The following CFAP61 variants were observed in gnomAD, a reference collection of about 807,000 sequenced individuals.
CFAP61 encodes cilia and flagella associated protein 61.
CFAP61 carries 107 observed loss-of-function variants against 135.6 expected under a neutral mutation model. The ratio of observed to expected loss-of-function variants is 0.79; its 90% CI spans 0.67 to 0.93. The LOEUF (loss-of-function observed/expected upper bound fraction) is 0.93. Ranked by LOEUF, CFAP61 falls within the 40% of genes least tolerant of loss-of-function variation. The pLI is 0.00. For synonymous variants in CFAP61, 575 were observed against 578.5 expected, an observed-to-expected ratio of 0.99 and a Z score of 0.09; for missense variants, 1,507 against 1,556.2, an observed-to-expected ratio of 0.97 and a Z score of 0.53.
chr20:20,138,333 A>G (rs982842179), intron 8 of CFAP61, among the ~76,000 whole-genome samples: 1 of 152,162 alleles, frequency 6.6e-6, no homozygotes, highest in African/African-American at 2.4e-5. Flanking sequence ...CAGCCTTTCA[A>G]GTTTATTTAG....
intron 26 of CFAP61, among the ~76,000 whole-genome samples, chr20:20,348,689 C>CAAAAAA (rs71198052): frequency 0.021 from 1,137 of 53,342 alleles, 46 homozygotes; most frequent in South Asian, 0.029. Context: ...GACTCCGTAT[C>CAAAAAA]AAAAAAAAAA....
In CFAP61 at chr20:20,288,617, C is replaced by A; in HGVS notation, c.2805C>A (p.Phe935Leu). The A allele has an allele frequency of 6.2e-7, 1 of 1,611,350 alleles. No homozygotes were observed. Among genetic ancestry groups the A allele is most frequent in the East Asian group, 2.2e-5 (1 of 44,824 alleles). The change falls in exon 23 of 27, where the codon TTC becomes TTA. Residue 935 changes from phenylalanine to leucine, a missense_variant. Physicochemically the swap from Phe to Leu is conservative, Grantham distance 22. Coordinates refer to ENST00000245957, the MANE Select transcript of CFAP61 (RefSeq NM_015585.4). ...AATTGTTCACTTCGTAGATGTTCTT[C>A]AGCTTCTGTGAGAAGAATGTGGATT... ...KPFRLQCSMF[F>L]SFCEKNVDYE...
intron 7 of CFAP61, among the ~76,000 whole-genome samples, chr20:20,093,606 T>C (rs2047362898): frequency 1.3e-5 from 2 of 151,844 alleles, no homozygotes; most frequent in South Asian, 4.2e-4. Flanking sequence ...GGCTAATTTT[T>C]GTATTTTTAG....
intron 17 of CFAP61, among the ~76,000 whole-genome samples, chr20:20,203,898 GC>G (rs2056744591): frequency 6.6e-6 from 1 of 152,166 alleles, no homozygotes; most frequent in Non-Finnish European, 1.5e-5. Context: ...AGGAGAAATA[GC>G]CACACTGGGC....
intron 9 of CFAP61, among the ~76,000 whole-genome samples, chr20:20,148,528 T>G (rs2052108483): frequency 6.6e-6 from 1 of 150,896 alleles, no homozygotes; most frequent in African/African-American, 2.4e-5. Context: ...TATTTGTGGG[T>G]TTTGTTTGTG....
chr20:20,171,840 T>C (rs1203252161), intron 13 of CFAP61: 2 of 688,192 alleles, frequency 2.9e-6, no homozygotes, highest in South Asian at 1.6e-5. Flanking sequence ...CTCTGTGGCA[T>C]GCAAGAGTTT....
At chr20:20,186,647 T>C (rs1238508224) in intron 13 of CFAP61, among the ~76,000 whole-genome samples, 1 of 152,244 alleles carries the variant, frequency 6.6e-6, no homozygotes, top group Non-Finnish European at 1.5e-5. Context: ...TTAAAATTGC[T>C]CATAAACATT....
intron 8 of CFAP61, among the ~76,000 whole-genome samples, chr20:20,102,227 G>A (rs758978052): frequency 7.2e-5 from 11 of 152,198 alleles, no homozygotes; most frequent in Non-Finnish European, 1.0e-4. Context: ...ATAAATGGTT[G>A]TAACTGAATC....
intron 13 of CFAP61, among the ~76,000 whole-genome samples, chr20:20,171,371 C>T (rs2054207459): frequency 6.6e-6 from 1 of 152,160 alleles, no homozygotes. Flanking sequence ...CCCCTCCATT[C>T]CATAGAGCAA....
At chr20:20,251,852 G>A (rs2050946371) in intron 20 of CFAP61, 89 bp downstream of exon 20, 1 of 1,346,536 alleles carries the variant, frequency 7.4e-7, no homozygotes, top group African/African-American at 1.4e-5. Flanking sequence ...CACACTCTGG[G>A]TAAAGAGCAT....
Position 20,169,468 on chromosome 20 carries a change from G to C in CFAP61, c.1385+8G>C, listed in dbSNP as rs746717298. On this transcript the variant is annotated splice_region_variant and intron_variant, in intron 13 of 26. Coordinates refer to ENST00000245957, the MANE Select transcript of CFAP61 (RefSeq NM_015585.4). Reference sequence around the variant, plus strand: ...CCGGGCTGGATTGCTCAAGTGAGTAGACACATGTTTGGCCACACAACAATC... The same window carrying C: ...CCGGGCTGGATTGCTCAAGTGAGTACACACATGTTTGGCCACACAACAATC... 3.7e-6 allele frequency: 6 copies of C among 1,600,250 alleles called. No individual in the cohort carries two copies. The highest frequency in any genetic ancestry group is 5.1e-6 in the Non-Finnish European group (6 of 1,171,532).
intron 26 of CFAP61, among the ~76,000 whole-genome samples, chr20:20,345,546 T>C (rs1281988089): frequency 6.6e-6 from 1 of 152,186 alleles, no homozygotes; most frequent in Non-Finnish European, 1.5e-5. Flanking sequence ...TTCTTCCACA[T>C]GTAAAGAAAG....
intron 26 of CFAP61, among the ~76,000 whole-genome samples, chr20:20,357,055 T>A (rs868551570): frequency 2.0e-4 from 13 of 64,128 alleles, no homozygotes; most frequent in African/African-American, 7.2e-4. Flanking sequence ...GTGGTCACAC[T>A]GAGGGGAAGT....
At chr20:20,200,639 A>C (rs1262444837) in intron 17 of CFAP61, 8 of 964,678 alleles carry the variant, frequency 8.3e-6, no homozygotes, top group Non-Finnish European at 8.6e-6. Flanking sequence ...GTAAGTAAAA[A>C]AAAAAAAAAT....
rs1304672182 is a variant in CFAP61, at chr20:20,360,303, G to A, written c.3607G>A (p.Val1203Ile). 1 of 1,613,464 alleles carries A rather than the reference G, an allele frequency of 6.2e-7. No individual in the cohort carries two copies. Among genetic ancestry groups the A allele is most frequent in the East Asian group, 2.2e-5 (1 of 44,882 alleles). Residue 1203 changes from valine (V) to isoleucine (I), a missense_variant, in exon 27 of 27, where the codon GTT becomes ATT. Physicochemically the swap from Val to Ile is conservative, Grantham distance 29 (BLOSUM62 3). Coordinates refer to ENST00000245957, the MANE Select transcript of CFAP61 (RefSeq NM_015585.4). ...TEKPRQYLKRVFEESIYKTLV... is the reference protein window; with the variant it reads ...TEKPRQYLKRIFEESIYKTLV... ...GAAGCCCAGGCAATACCTCAAAAGA[G>A]TTTTTGAGGAATCCATCTACAAAAC...
chr20:20,302,943 C>T lies in CFAP61; in HGVS notation c.3422+4557C>T, dbSNP rs190870727. 2.9e-3 allele frequency among the ~76,000 whole-genome samples: 447 copies of T among 152,280 alleles called. 3 individuals carry two copies. The highest frequency in any genetic ancestry group is 4.7e-3 in the Non-Finnish European group (321 of 68,026). On this transcript the variant is annotated intron_variant, in intron 25 of 26. Coordinates refer to ENST00000245957, the MANE Select transcript of CFAP61 (RefSeq NM_015585.4). ...TCCTAATGCTTTCAAATATAAACTA[C>T]GTTTTGGTAAGTGTCAAAATTTAAA...
rs147797266 is a variant in CFAP61, at chr20:20,160,897, T to G, written c.1026+1453T>G. ...ATCAATTTGCCAGCTCCTTCACCTC[T>G]TAGGTGGGACCACTCTGCACTGTGT... On this transcript the variant is annotated intron_variant, in intron 10 of 26. Transcript: ENST00000245957. Among the ~76,000 whole-genome samples the G allele has an allele frequency of 6.2e-4, 95 of 152,256 alleles. 1 individual carries two copies. In the East Asian group the frequency reaches 0.017, roughly 28 times the overall value.
chr20:20,236,638 C>A (rs1050215183), intron 18 of CFAP61, among the ~76,000 whole-genome samples: 1 of 152,190 alleles, frequency 6.6e-6, no homozygotes, highest in African/African-American at 2.4e-5. Flanking sequence ...AAACTATCAC[C>A]ATTAAGAAGG....
At chr20:20,263,632 A>G (rs1245189337) in intron 21 of CFAP61, among the ~76,000 whole-genome samples, 1 of 152,160 alleles carries the variant, frequency 6.6e-6, no homozygotes, top group Non-Finnish European at 1.5e-5. Context: ...TTAAATCGAA[A>G]TGAAAAAGGG....
Sources: allele counts gnomAD v4.1 joint callset (sites outside exome capture counted in the v4.1 genomes callset), GRCh38; gene constraint gnomAD v4.1.1; transcripts MANE v1.5; gene names NCBI Gene and HGNC (gene_info 2026-07-23, HGNC 2026-07-21).